CSMD1: variants seen among roughly 807,000 people sequenced by gnomAD.
CSMD1 encodes CUB and sushi domain-containing protein 1.
Under a neutral mutation model 417.5 loss-of-function variants are expected in CSMD1, and 213 were observed. The ratio of observed to expected loss-of-function variants is 0.51; its 90% CI spans 0.46 to 0.57. CSMD1 has a LOEUF of 0.57. Among genes scored for constraint, CSMD1 ranks in the 20% least tolerant of loss-of-function variants. The pLI is 0.00. For missense variants in CSMD1, 6,923 were observed against 4,529.7 expected (o/e 1.53, Z -15.17); for synonymous variants, 2,862 against 1,736.8 (o/e 1.65, Z -16.11).
chr8:4,933,774 T>C (rs1720405793), intron 1 of CSMD1, among the ~76,000 whole-genome samples: 1 of 152,206 alleles, frequency 6.6e-6, no homozygotes, highest in African/African-American at 2.4e-5. Flanking sequence ...CTTATTGCTT[T>C]CTTCCTCTCT....
intron 49 of CSMD1, among the ~76,000 whole-genome samples, chr8:3,077,658 C>G (rs985968062): frequency 1.3e-5 from 2 of 152,254 alleles, no homozygotes; most frequent in African/African-American, 2.4e-5. Flanking sequence ...GAGGCTTATG[C>G]CTGCATGCCC....
chr8:3,456,522 G>C (rs1816152889), intron 12 of CSMD1, among the ~76,000 whole-genome samples: 1 of 152,148 alleles, frequency 6.6e-6, no homozygotes, highest in Non-Finnish European at 1.5e-5. Flanking sequence ...CATGTGCTTT[G>C]TGGTTATCTA....
Position 4,455,960 on chromosome 8 carries a change from A to C in CSMD1, c.303-35895T>G, listed in dbSNP as rs1658814. On this transcript the variant is annotated intron_variant, in intron 2 of 69. Transcript: ENST00000635120. ...AAAAAAAAAAAAAAAAAAAAAAAAA[A>C]AAATGCAGTTAAGATATTAGAAGAC... 6.6e-3 allele frequency among the ~76,000 whole-genome samples: 951 copies of C among 144,528 alleles called. 36 individuals carry two copies. The highest frequency in any genetic ancestry group is 0.022 in the African/African-American group (854 of 38,720). 94.8% of individuals were successfully genotyped at this position (144,528 alleles called of 152,430 possible). A position where few individuals can be genotyped will look rare whatever the true frequency, so the allele number is the denominator to read the frequency against.
chr8:3,748,010 T>C (rs933083488), intron 6 of CSMD1, among the ~76,000 whole-genome samples: 1 of 152,112 alleles, frequency 6.6e-6, no homozygotes, highest in African/African-American at 2.4e-5. Context: ...ATTTCTATTT[T>C]ATAAAACAAG....
chr8:4,235,062 C>T (rs1276303459), intron 3 of CSMD1, among the ~76,000 whole-genome samples: 1 of 152,094 alleles, frequency 6.6e-6, no homozygotes, highest in Non-Finnish European at 1.5e-5. Context: ...GGACGCATTC[C>T]ATCCATAGGA....
At chr8:3,274,474 G>A (rs538923201) in intron 26 of CSMD1, among the ~76,000 whole-genome samples, 1 of 152,230 alleles carries the variant, frequency 6.6e-6, no homozygotes, top group Non-Finnish European at 1.5e-5. Flanking sequence ...TTAAGTTCCT[G>A]GGTATGCTTG....
chr8:4,508,675 A>T (rs990093773), intron 2 of CSMD1, among the ~76,000 whole-genome samples: 1 of 152,150 alleles, frequency 6.6e-6, no homozygotes, highest in Non-Finnish European at 1.5e-5. Flanking sequence ...GCTTGATAAC[A>T]AGGCAGCTGG....
At chr8:3,087,358 A>T (rs1814614845) in intron 48 of CSMD1, 73 bp from the exon 49 acceptor site, 1 of 1,463,084 alleles carries the variant, frequency 6.8e-7, no homozygotes, top group Non-Finnish European at 9.5e-7. Flanking sequence ...CCTTTGTGAG[A>T]GTCTATAAAT....
intron 5 of CSMD1, among the ~76,000 whole-genome samples, chr8:3,852,510 A>G (rs1288420936): frequency 6.6e-6 from 1 of 152,188 alleles, no homozygotes; most frequent in Non-Finnish European, 1.5e-5. Context: ...ACAGTTGACG[A>G]TAAATTCCAG....
intron 2 of CSMD1, among the ~76,000 whole-genome samples, chr8:4,532,393 A>G (rs965557977): frequency 2.0e-5 from 3 of 148,122 alleles, no homozygotes; most frequent in African/African-American, 7.6e-5. Flanking sequence ...GAAATCCTGC[A>G]CCCCCATTCA....
intron 3 of CSMD1, among the ~76,000 whole-genome samples, chr8:4,181,927 T>G (rs1017839791): frequency 6.8e-6 from 1 of 147,424 alleles, no homozygotes; most frequent in Admixed American, 7.0e-5. Context: ...ACTTAGTACT[T>G]TGCTAGGTGA....
rs368509232 is a variant in CSMD1 at position 4,955,158 on chromosome 8, C to T, written c.85+39174G>A. Among the ~76,000 whole-genome samples, 5 of 152,104 alleles carry T rather than the reference C, an allele frequency of 3.3e-5. No individual in the cohort carries two copies. In the East Asian group the frequency reaches 7.7e-4, roughly 24 times the overall value. On this transcript the variant is annotated intron_variant, in intron 1 of 69. Coordinates refer to ENST00000635120, the MANE Select transcript of CSMD1 (RefSeq NM_033225.6). ...ACCTCCAGTTCCCTATATCAGAAAC[C>T]CTCTGAGTGCAGACCTACGGGGCTG...
intron 1 of CSMD1, among the ~76,000 whole-genome samples, chr8:4,795,818 C>A (rs542373184): frequency 6.6e-6 from 1 of 152,128 alleles, no homozygotes; most frequent in Non-Finnish European, 1.5e-5. Flanking sequence ...AAGTACTGTA[C>A]TGAGGCAGCC....
intron 1 of CSMD1, among the ~76,000 whole-genome samples, chr8:4,707,886 CAAAA>C (rs552510236): frequency 6.0e-5 from 6 of 100,830 alleles, no homozygotes; most frequent in Non-Finnish European, 1.0e-4. Context: ...GACTTTGTTT[CAAAA>C]AAAAAAAAAA....
intron 26 of CSMD1, among the ~76,000 whole-genome samples, chr8:3,260,513 A>G (rs773593645): frequency 6.6e-6 from 1 of 152,156 alleles, no homozygotes; most frequent in Non-Finnish European, 1.5e-5. Context: ...TTAAGGATAA[A>G]CATTCCTCAT....
At chr8:4,734,042 C>A (rs1025272927) in intron 1 of CSMD1, among the ~76,000 whole-genome samples, 4 of 152,136 alleles carry the variant, frequency 2.6e-5, no homozygotes, top group Non-Finnish European at 4.4e-5. Context: ...TGAAGAATAT[C>A]TTAACATATT....
chr8:3,992,734 C>T lies in CSMD1; in HGVS notation c.818+5169G>A, dbSNP rs189413252. On this transcript the variant is annotated intron_variant, in intron 5 of 69. Transcript: ENST00000635120. ...AGTTTGAGGCTACAGTGAGCTATGA[C>T]AGCACCACTGTACTCCACACTGGGT... 1.2e-3 allele frequency among the ~76,000 whole-genome samples: 176 copies of T among 152,324 alleles called. 1 individual carries two copies. Among genetic ancestry groups the T allele is most frequent in the Non-Finnish European group, 1.4e-3 (95 of 68,040 alleles).
At chr8:4,037,614 G>T (rs1002951505) in intron 3 of CSMD1, among the ~76,000 whole-genome samples, 1 of 56,954 alleles carries the variant, frequency 1.8e-5, no homozygotes, top group South Asian at 5.7e-4. Flanking sequence ...ATGGACTTTA[G>T]GTCTCTTATA....
intron 5 of CSMD1, among the ~76,000 whole-genome samples, chr8:3,976,576 A>G (rs1813452000): frequency 6.6e-6 from 1 of 152,228 alleles, no homozygotes; most frequent in African/African-American, 2.4e-5. Context: ...AATTAAGACA[A>G]AGTAAAACCA....
Sources: allele counts gnomAD v4.1 joint callset (sites outside exome capture counted in the v4.1 genomes callset), GRCh38; gene constraint gnomAD v4.1.1; transcripts MANE v1.5; gene names NCBI Gene and HGNC (gene_info 2026-07-23, HGNC 2026-07-21).